ARHGAP5: variants seen among roughly 807,000 people sequenced by gnomAD.
ARHGAP5 encodes Rho GTPase activating protein 5.
Under a neutral mutation model 116.6 loss-of-function variants are expected in ARHGAP5, and 23 were observed. The observed-to-expected ratio is 0.20, with a 90% CI of 0.14 to 0.28. The LOEUF (loss-of-function observed/expected upper bound fraction) is 0.28, where lower values mean the gene tolerates loss of function less well. Ranked by LOEUF, ARHGAP5 falls within the 10% of genes least tolerant of loss-of-function variation. The pLI is 1.00. For synonymous variants in ARHGAP5, 574 were observed against 602.0 expected (o/e 0.95, Z 0.68); for missense variants, 1,405 against 1,774.8 (o/e 0.79, Z 3.74).
chr14:32,090,011 A>G (rs559958720), intron 1 of ARHGAP5, among the ~76,000 whole-genome samples: 1 of 152,054 alleles, frequency 6.6e-6, no homozygotes, highest in Admixed American at 6.6e-5. Context: ...GTATATTCTA[A>G]AATCTTATCA....
At chr14:32,086,703 T>C (rs2041832940) in intron 1 of ARHGAP5, among the ~76,000 whole-genome samples, 1 of 151,810 alleles carries the variant, frequency 6.6e-6, no homozygotes, top group Non-Finnish European at 1.5e-5. Flanking sequence ...TTGTAGAACT[T>C]TTTTTTTCTT....
chr14:32,134,974 G>A (rs1316228900), intron 3 of ARHGAP5, among the ~76,000 whole-genome samples: 4 of 151,982 alleles, frequency 2.6e-5, no homozygotes, highest in African/African-American at 9.7e-5. Flanking sequence ...CAGTTGTCCA[G>A]GCCTCAGGTA....
chr14:32,134,674 C>T (rs1880692651), intron 3 of ARHGAP5, among the ~76,000 whole-genome samples: 1 of 152,182 alleles, frequency 6.6e-6, no homozygotes, highest in African/African-American at 2.4e-5. Context: ...ACTCTAAACA[C>T]AGCACAGAGT....
At chr14:32,117,418 G>T in intron 3 of ARHGAP5, 131 bp downstream of exon 3, 1 of 786,714 alleles carries the variant, frequency 1.3e-6, no homozygotes, top group Non-Finnish European at 1.8e-6. Context: ...AACTCCATCT[G>T]ATCAGGTAAC....
intron 3 of ARHGAP5, among the ~76,000 whole-genome samples, chr14:32,124,878 G>T (rs975110728): frequency 6.6e-6 from 1 of 152,118 alleles, no homozygotes; most frequent in Admixed American, 6.5e-5. Flanking sequence ...GTGGTAGGAA[G>T]AAAAGTTCAC....
intron 2 of ARHGAP5, among the ~76,000 whole-genome samples, 180 bp downstream of exon 2, chr14:32,094,566 G>C (rs1305141850): frequency 6.6e-6 from 1 of 151,990 alleles, no homozygotes; most frequent in Non-Finnish European, 1.5e-5. Flanking sequence ...GTGCTTTATT[G>C]GGGTAGAGTT....
chr14:32,115,663 CAAAAAAAAAA>C (rs60051497), intron 2 of ARHGAP5, among the ~76,000 whole-genome samples: 2 of 39,956 alleles, frequency 5.0e-5, no homozygotes, highest in African/African-American at 1.8e-4. Flanking sequence ...GACTCCGTCT[CAAAAAAAAAA>C]AAAAAAAAAA....
intron 1 of ARHGAP5, among the ~76,000 whole-genome samples, chr14:32,083,701 C>G (rs1168627692): frequency 6.6e-6 from 1 of 152,094 alleles, no homozygotes; most frequent in East Asian, 1.9e-4. Context: ...ATCAGGTGCT[C>G]TCATTTTAAA....
intron 3 of ARHGAP5, among the ~76,000 whole-genome samples, chr14:32,129,649 A>C (rs1594378407): frequency 6.6e-6 from 1 of 150,946 alleles, no homozygotes; most frequent in Non-Finnish European, 1.5e-5. Flanking sequence ...GCTTTCAAGA[A>C]CTCCCACTTT....
At chr14:32,096,883 C>T (rs1252180957) in intron 2 of ARHGAP5, among the ~76,000 whole-genome samples, 2 of 152,150 alleles carry the variant, frequency 1.3e-5, no homozygotes, top group Non-Finnish European at 2.9e-5. Context: ...TATGAGTATA[C>T]GTGCCAAAGT....
At chr14:32,149,641 G>C (rs979698021) in intron 4 of ARHGAP5, among the ~76,000 whole-genome samples, 1 of 151,728 alleles carries the variant, frequency 6.6e-6, no homozygotes, top group African/African-American at 2.4e-5. Flanking sequence ...GCGTGGTGAC[G>C]GTCGCCTGTA....
chr14:32,140,070 T>C (rs1332707543), intron 3 of ARHGAP5, among the ~76,000 whole-genome samples: 35 of 146,990 alleles, frequency 2.4e-4, no homozygotes, highest in African/African-American at 7.4e-4. Flanking sequence ...CTCTCTCTTT[T>C]TTTTTTTTTT....
intron 3 of ARHGAP5, among the ~76,000 whole-genome samples, chr14:32,128,430 C>T (rs918439181): frequency 1.3e-5 from 2 of 152,258 alleles, no homozygotes; most frequent in African/African-American, 4.8e-5. Context: ...CTTGCAAGGG[C>T]GTGGCCCGCC....
At position 32,092,293 on chromosome 14, in the gene ARHGAP5, C is replaced by T. The variant is rs1293202144; in HGVS notation, c.1624C>T (p.Leu542=). 2 of 1,613,632 alleles carry T rather than the reference C, an allele frequency of 1.2e-6. No individual in the cohort carries two copies. The highest frequency in any genetic ancestry group is 1.7e-6 in the Non-Finnish European group (2 of 1,179,802). Residue 542 remains leucine (L), a synonymous_variant, in exon 2 of 7, where the codon CTA becomes TTA. Transcript: ENST00000345122. The surrounding 1 kb of genome is among the most constrained non-coding windows in gnomAD (Gnocchi z 4.1). Reference sequence around the variant, plus strand: ...ACTTGCACCTGATAGGGAATCCCTTCTACTTAAGCATATAGGATTTGTTTA... The same window carrying T: ...ACTTGCACCTGATAGGGAATCCCTTTTACTTAAGCATATAGGATTTGTTTA... ...QKLAPDRESL[L]LKHIGFVYHP...
intron 1 of ARHGAP5, among the ~76,000 whole-genome samples, chr14:32,079,872 A>G (rs925397761): frequency 1.2e-4 from 19 of 152,202 alleles, no homozygotes; most frequent in African/African-American, 4.1e-4. Flanking sequence ...TTGCATACCA[A>G]GAAGGTGTGT....
intron 2 of ARHGAP5, among the ~76,000 whole-genome samples, chr14:32,115,483 G>T (rs1879511124): frequency 6.6e-6 from 1 of 151,936 alleles, no homozygotes; most frequent in African/African-American, 2.4e-5. Flanking sequence ...CCAACACGGT[G>T]AAACCGCGTC....
Position 32,091,389 on chromosome 14 carries a change from T to C in ARHGAP5, c.720T>C (p.Thr240=). 2 of 1,611,888 alleles carry C rather than the reference T, an allele frequency of 1.2e-6. No individual in the cohort carries two copies. Among genetic ancestry groups the C allele is most frequent in the Non-Finnish European group, 1.7e-6 (2 of 1,179,040 alleles). The change falls in exon 2 of 7, where the codon ACT becomes ACC. Residue 240 remains threonine, a synonymous_variant. Coordinates refer to ENST00000345122, the MANE Select transcript of ARHGAP5 (RefSeq NM_001030055.2). ...RFNVNIETCF[T]ALVQMLDKTR... ...ATGTCAACATTGAAACATGTTTTAC[T>C]GCACTGGTACAAATGTTGGATAAAA... is the stretch of plus-strand genomic sequence containing the variant.
intron 1 of ARHGAP5, among the ~76,000 whole-genome samples, chr14:32,087,078 A>G (rs1291364224): frequency 6.6e-6 from 1 of 152,162 alleles, no homozygotes; most frequent in East Asian, 1.9e-4. Context: ...ATAGATGTGC[A>G]TGATTGACAT....
chr14:32,090,869 T>A lies in ARHGAP5; in HGVS notation c.200T>A (p.Val67Glu). 6.2e-7 allele frequency: 1 copy of A among 1,613,586 alleles called. No individual in the cohort carries two copies. The highest frequency in any genetic ancestry group is 8.5e-7 in the Non-Finnish European group (1 of 1,179,616). Residue 67 changes from valine to glutamate, a missense_variant, in exon 2 of 7, where the codon GTA becomes GAA. Physicochemically the swap from Val to Glu is moderately radical, Grantham distance 121. Around this residue, in one of 6 missense-constraint regions of ARHGAP5, gnomAD observed 190 missense variants for 314.9 expected, o/e 0.60. Coordinates refer to ENST00000345122, the MANE Select transcript of ARHGAP5 (RefSeq NM_001030055.2). ...ACCATTGACTTTGGAGGACGAGTAG[T>A]AAACAATGATCACTTTTTGTACTGG... ...LSTIDFGGRV[V>E]NNDHFLYWGD...
Sources: allele counts gnomAD v4.1 joint callset (sites outside exome capture counted in the v4.1 genomes callset), GRCh38; gene constraint gnomAD v4.1.1; regional missense constraint gnomAD v4.1.1; non-coding constraint Gnocchi (gnomAD v3.1); transcripts MANE v1.5; gene names NCBI Gene and HGNC (gene_info 2026-07-23, HGNC 2026-07-21).